Variants in SPTLC3 observed in about 807,000 individuals in gnomAD.
SPTLC3 encodes serine palmitoyltransferase long chain base subunit 3, also known as serine palmitoyltransferase 3.
A neutral mutation model predicts 59.3 loss-of-function variants in SPTLC3; 36 were observed. That is an observed-to-expected ratio of 0.61 (90% confidence interval 0.47 to 0.80). The LOEUF (loss-of-function observed/expected upper bound fraction) is 0.80, where lower values mean the gene tolerates loss of function less well. Among genes scored for constraint, SPTLC3 ranks in the 30% least tolerant of loss-of-function variants. SPTLC3 has a pLI of 0.00. For synonymous variants in SPTLC3, 257 were observed against 240.8 expected (o/e 1.07, Z -0.62); for missense variants, 625 against 685.1 (o/e 0.91, Z 0.98).
intron 5 of SPTLC3, among the ~76,000 whole-genome samples, 154 bp from the exon 6 acceptor site, chr20:13,093,330 C>T (rs1989295615): frequency 6.6e-6 from 1 of 152,144 alleles, no homozygotes; most frequent in African/African-American, 2.4e-5. Flanking sequence ...TGATTTTGTC[C>T]ACATAGACAC....
chr20:13,062,960 T>C lies in SPTLC3; in HGVS notation c.304-9296T>C, dbSNP rs547518538. Among the ~76,000 whole-genome samples, 8 of 152,310 alleles carry C rather than the reference T, an allele frequency of 5.3e-5. No homozygotes were observed. The South Asian group carries it at 1.7e-3, about 32-fold the overall frequency. ...TAATTCCTGGAAGTGGCTTTCTGAG[T>C]CCAAGGCATGCACATTTTAACTTCT... On this transcript the variant is annotated intron_variant, in intron 2 of 11. Coordinates refer to ENST00000399002, the MANE Select transcript of SPTLC3 (RefSeq NM_018327.4).
chr20:13,125,157 C>T (rs1483186579), intron 8 of SPTLC3, among the ~76,000 whole-genome samples: 1 of 152,174 alleles, frequency 6.6e-6, no homozygotes, highest in African/African-American at 2.4e-5. Flanking sequence ...CAGATGCCAG[C>T]TCTGAGGCCC....
At chr20:13,142,498 A>G (rs537821132) in intron 9 of SPTLC3, among the ~76,000 whole-genome samples, 1 of 152,258 alleles carries the variant, frequency 6.6e-6, no homozygotes, top group South Asian at 2.1e-4. Flanking sequence ...GCTGGGGAGG[A>G]TTAGGCAGGT....
At position 13,163,711 on chromosome 20, in the gene SPTLC3, G is replaced by A. The variant is rs542327674; in HGVS notation, c.1546-1043G>A. Among the ~76,000 whole-genome samples, 3 of 151,826 alleles carry A rather than the reference G, an allele frequency of 2.0e-5. No homozygotes were observed. In the South Asian group the frequency reaches 6.3e-4, roughly 32 times the overall value. On this transcript the variant is annotated intron_variant, in intron 11 of 11. Coordinates refer to ENST00000399002, the MANE Select transcript of SPTLC3 (RefSeq NM_018327.4). ...GTCAGTTTGAAAGATTTCCCAAAGAGGAAAGTCCATAAGATCTATTAGTCA... is the reference window on the plus strand; with the variant it reads ...GTCAGTTTGAAAGATTTCCCAAAGAAGAAAGTCCATAAGATCTATTAGTCA...
chr20:13,143,412 A>T (rs2038432077), intron 9 of SPTLC3, among the ~76,000 whole-genome samples: 1 of 152,250 alleles, frequency 6.6e-6, no homozygotes, highest in East Asian at 1.9e-4. Flanking sequence ...CTTAATATTT[A>T]ATCCTCATAA....
At chr20:13,074,194 C>T in intron 3 of SPTLC3, 155 bp from the exon 4 acceptor site, 1 of 989,048 alleles carries the variant, frequency 1.0e-6, no homozygotes, top group Non-Finnish European at 1.6e-6. Context: ...CACCTCCTGC[C>T]AGCTCTGTTC....
intron 2 of SPTLC3, among the ~76,000 whole-genome samples, chr20:13,061,255 ATAT>A (rs1179240056): frequency 6.6e-6 from 1 of 152,194 alleles, no homozygotes; most frequent in Non-Finnish European, 1.5e-5. Context: ...AGAAAGCTGC[ATAT>A]CATCACAGAG....
chr20:13,017,307 A>G (rs1258476897), intron 1 of SPTLC3, among the ~76,000 whole-genome samples: 1 of 152,186 alleles, frequency 6.6e-6, no homozygotes, highest in Admixed American at 6.5e-5. Flanking sequence ...TGTCACCTCC[A>G]TGCCTCACTT....
intron 6 of SPTLC3, among the ~76,000 whole-genome samples, chr20:13,093,811 G>C (rs1245547791): frequency 6.6e-6 from 1 of 152,184 alleles, no homozygotes; most frequent in Non-Finnish European, 1.5e-5. Context: ...CACTGTTAGT[G>C]GTTTTGCAAT....
At chr20:13,126,174 C>T (rs1219333964) in intron 8 of SPTLC3, among the ~76,000 whole-genome samples, 1 of 152,204 alleles carries the variant, frequency 6.6e-6, no homozygotes, top group Non-Finnish European at 1.5e-5. Flanking sequence ...TGGACTGTGA[C>T]TTATTCTACC....
chr20:13,030,934 T>A (rs765406776), intron 1 of SPTLC3, among the ~76,000 whole-genome samples: 3 of 152,160 alleles, frequency 2.0e-5, no homozygotes, highest in Non-Finnish European at 2.9e-5. Flanking sequence ...TAATTACTTA[T>A]AATTTTCCTT....
At chr20:13,094,206 C>G (rs1346456323) in intron 6 of SPTLC3, among the ~76,000 whole-genome samples, 1 of 152,164 alleles carries the variant, frequency 6.6e-6, no homozygotes, top group Non-Finnish European at 1.5e-5. Flanking sequence ...TCTCGTCCAG[C>G]TCTGCTCCTG....
chr20:13,037,116 C>T (rs1427008701), intron 1 of SPTLC3, among the ~76,000 whole-genome samples: 1 of 152,148 alleles, frequency 6.6e-6, no homozygotes, highest in Non-Finnish European at 1.5e-5. Context: ...TCAGACACAA[C>T]AATGTCTGGA....
intron 2 of SPTLC3, among the ~76,000 whole-genome samples, chr20:13,059,302 T>C (rs1987855138): frequency 6.6e-6 from 1 of 152,190 alleles, no homozygotes; most frequent in Admixed American, 6.5e-5. Flanking sequence ...TCTTTCGCTG[T>C]TTCACTGTTA....
chr20:13,139,065 T>G (rs2038319620), intron 9 of SPTLC3, among the ~76,000 whole-genome samples: 1 of 152,186 alleles, frequency 6.6e-6, no homozygotes, highest in South Asian at 2.1e-4. Flanking sequence ...GTAGCGTGAT[T>G]CTTAAGCATC....
chr20:13,166,570 CAAATA>C lies in SPTLC3; in HGVS notation c.*1708_*1712del, dbSNP rs1261015967. The stretch of plus-strand genomic sequence containing the variant: ...TGAAACTGATGCAGTATTATTTGTG[CAAATA>C]AAATGTGTCATAAATATGCAAAGAA... On this transcript the variant is annotated 3_prime_UTR_variant, in exon 12 of 12. Coordinates refer to ENST00000399002, the MANE Select transcript of SPTLC3 (RefSeq NM_018327.4). 3 of 152,104 alleles carry C rather than the reference CAAATA, an allele frequency of 2.0e-5. No homozygotes were observed. The East Asian group carries it at 5.8e-4, about 29-fold the overall frequency. The allele number at this position is 152,104 out of a possible 1,614,324, so 9.4% of individuals were successfully genotyped here. A position where few individuals can be genotyped will look rare whatever the true frequency, so the allele number is the denominator to read the frequency against.
At chr20:13,032,579 C>T (rs1375905894) in intron 1 of SPTLC3, among the ~76,000 whole-genome samples, 1 of 152,136 alleles carries the variant, frequency 6.6e-6, no homozygotes, top group Non-Finnish European at 1.5e-5. Flanking sequence ...CCAATGGGTG[C>T]CCACACTGGT....
At chr20:13,110,867 T>C (rs1468570774) in intron 7 of SPTLC3, among the ~76,000 whole-genome samples, 2 of 152,050 alleles carry the variant, frequency 1.3e-5, no homozygotes, top group African/African-American at 4.8e-5. Flanking sequence ...CCTATAATGA[T>C]AGAAAAGTGA....
chr20:13,162,386 G>T (rs1447409125), intron 11 of SPTLC3, among the ~76,000 whole-genome samples: 1 of 152,190 alleles, frequency 6.6e-6, no homozygotes, highest in Non-Finnish European at 1.5e-5. Flanking sequence ...CAAAACACCT[G>T]CTTTGAAAGG....
Sources: allele counts gnomAD v4.1 joint callset (sites outside exome capture counted in the v4.1 genomes callset), GRCh38; gene constraint gnomAD v4.1.1; transcripts MANE v1.5; gene names NCBI Gene and HGNC (gene_info 2026-07-23, HGNC 2026-07-21).